RDH8: variants seen among roughly 807,000 people sequenced by gnomAD.
RDH8 encodes the protein photoreceptor outer segment all-trans retinol dehydrogenase.
RDH8 carries 14 observed loss-of-function variants against 22.3 expected under a neutral mutation model. That is an observed-to-expected ratio of 0.63 (90% CI 0.42 to 0.98). The LOEUF (loss-of-function observed/expected upper bound fraction) is 0.98. Ranked by LOEUF, RDH8 falls within the 50% of genes least tolerant of loss-of-function variation. The pLI is 0.00. For synonymous variants in RDH8, 175 were observed against 171.7 expected (o/e 1.02, Z -0.15); for missense variants, 389 against 409.8 (o/e 0.95, Z 0.44).
Position 10,016,639 on chromosome 19 carries a change from A to G in RDH8, c.104-418A>G, listed in dbSNP as rs372022091. Among the ~76,000 whole-genome samples, 4 of 150,912 alleles carry G rather than the reference A, an allele frequency of 2.7e-5. 1 individual carries two copies. Among genetic ancestry groups the G allele is most frequent in the East Asian group, 2.0e-4 (1 of 5,086 alleles). On this transcript the variant is annotated intron_variant, in intron 1 of 5. Transcript: ENST00000591589. Reference sequence around the variant, plus strand: ...CCCACCACACCTGGCAAATTTGTAAAATATAATTTTTTTGTAGAGATGGGA... The same window carrying G: ...CCCACCACACCTGGCAAATTTGTAAGATATAATTTTTTTGTAGAGATGGGA...
Position 10,017,063 on chromosome 19 carries a change from C to T in RDH8, c.110C>T (p.Ala37Val). 6.4e-7 allele frequency: 1 copy of T among 1,573,156 alleles called. No homozygotes were observed. Among genetic ancestry groups the T allele is most frequent in the Non-Finnish European group, 8.7e-7 (1 of 1,155,066 alleles). Residue 37 changes from alanine (A) to valine (V), a missense_variant, in exon 2 of 6, where the codon GCC becomes GTC. Coordinates refer to ENST00000591589, the MANE Select transcript of RDH8 (RefSeq NM_015725.4). ...TTTACTCTCTGCCCCGCAGTCGTGG[C>T]CACCATGAGGGACCTGGGGAAGAAG... ...HDPKKRYQVV[A>V]TMRDLGKKET...
At chr19:10,019,734 G>C (rs1259627841) in intron 3 of RDH8, among the ~76,000 whole-genome samples, 1 of 152,018 alleles carries the variant, frequency 6.6e-6, no homozygotes, top group Non-Finnish European at 1.5e-5. Context: ...CCAGGAGGCA[G>C]AGGTTGCAAT....
At chr19:10,018,615 AT>A in intron 2 of RDH8, 115 bp from the exon 3 acceptor site, 1 of 749,480 alleles carries the variant, frequency 1.3e-6, no homozygotes, top group South Asian at 2.2e-5. Context: ...TCCACCCAAG[AT>A]ACCCTGGACT....
chr19:10,018,985 G>A, intron 3 of RDH8, 75 bp downstream of exon 3: 1 of 1,265,836 alleles, frequency 7.9e-7, no homozygotes, highest in Admixed American at 2.2e-5. Context: ...TGGCGAATGG[G>A]TTTTAGATCA....
At position 10,020,694 on chromosome 19, in the gene RDH8, C is replaced by T. The variant is rs1174633816; in HGVS notation, c.443-15C>T. ...CCAGACCCTCAAAGAGCTCTCCTCC[C>T]TCTGACCCTCACAGGTGTCATCTTC... On this transcript the variant is annotated splice_polypyrimidine_tract_variant and intron_variant, in intron 3 of 5. Coordinates refer to ENST00000591589, the MANE Select transcript of RDH8 (RefSeq NM_015725.4). 1 of 1,587,822 alleles carries T rather than the reference C, an allele frequency of 6.3e-7. No individual in the cohort carries two copies.
Position 10,021,602 on chromosome 19 carries a change from G to C in RDH8, c.789G>C (p.Pro263=). The C allele has an allele frequency of 6.2e-7, 1 of 1,613,980 alleles. No individual in the cohort carries two copies. The highest frequency in any genetic ancestry group is 8.5e-7 in the Non-Finnish European group (1 of 1,179,952). ...GACAGACCAACATCCGCTACTCGCC[G>C]CTGACCACGCTCAAAACCGTGGATT... ...LRRQTNIRYS[P]LTTLKTVDSS... Residue 263 remains proline, a synonymous_variant, in exon 6 of 6, where the codon CCG becomes CCC. Coordinates refer to ENST00000591589, the MANE Select transcript of RDH8 (RefSeq NM_015725.4).
chr19:10,020,316 A>AAG (rs1178852829), intron 3 of RDH8, among the ~76,000 whole-genome samples: 23 of 131,608 alleles, frequency 1.7e-4, no homozygotes, highest in South Asian at 3.0e-4. Context: ...GAAAAAGAAA[A>AAG]AGAGAGAGAG....
At chr19:10,021,193 G>C in intron 4 of RDH8, 62 bp from the exon 5 acceptor site, 1 of 1,513,352 alleles carries the variant, frequency 6.6e-7, no homozygotes, top group Non-Finnish European at 9.0e-7. Context: ...AAAAAAAATG[G>C]ACAAAATAGG....
At chr19:10,015,121 T>C (rs2087600738) in intron 1 of RDH8, among the ~76,000 whole-genome samples, 1 of 152,128 alleles carries the variant, frequency 6.6e-6, no homozygotes, top group Admixed American at 6.6e-5. Flanking sequence ...CTGGTGCATG[T>C]GCAGACATAG....
Position 10,021,675 on chromosome 19 carries a change from TG to T in RDH8, c.863del (p.Cys288PhefsTer45). On this transcript the variant is annotated frameshift_variant, in exon 6 of 6. Coordinates refer to ENST00000591589, the MANE Select transcript of RDH8 (RefSeq NM_015725.4). LOFTEE classifies it high-confidence loss of function. The stretch of plus-strand genomic sequence containing the variant: ...AACGACCCACCGCCTCCTCTTCCGC[TG>T]TCCACGCCTCCTCAACCTTGGCCTT... ...VRTTHRLLFRCPRLLNLGLQC... is the reference protein window; with the variant it reads ...VRTTHRLLFRXPRLLNLGLQC... 1 of 1,614,148 alleles carries T rather than the reference TG, an allele frequency of 6.2e-7. No homozygotes were observed. The highest frequency in any genetic ancestry group is 8.5e-7 in the Non-Finnish European group (1 of 1,180,016).
At chr19:10,021,190 A>AAAAT (rs2087655611) in intron 4 of RDH8, 65 bp from the exon 5 acceptor site, 2 of 1,439,290 alleles carry the variant, frequency 1.4e-6, no homozygotes, top group African/African-American at 1.4e-5. Flanking sequence ...AAAAAAAAAA[A>AAAAT]TGGACAAAAT....
intron 3 of RDH8, among the ~76,000 whole-genome samples, chr19:10,020,246 G>C (rs532708933): frequency 1.3e-4 from 19 of 151,546 alleles, no homozygotes; most frequent in Non-Finnish European, 2.1e-4. Context: ...AGGCTGCAGT[G>C]AGCCATGATT....
intron 3 of RDH8, among the ~76,000 whole-genome samples, chr19:10,019,309 T>TAATAA (rs1599243410): frequency 1.3e-5 from 2 of 150,394 alleles, no homozygotes; most frequent in East Asian, 4.0e-4. Context: ...AAAAAAATAA[T>TAATAA]AATAAAATAA....
intron 3 of RDH8, 60 bp from the exon 4 acceptor site, chr19:10,020,649 G>A (rs2087651142): frequency 1.8e-6 from 2 of 1,086,016 alleles, no homozygotes; most frequent in South Asian, 1.3e-5. Context: ...CATCACCCTG[G>A]AACCCACAAA....
At chr19:10,017,359 G>C in intron 2 of RDH8, 144 bp downstream of exon 2, 1 of 793,096 alleles carries the variant, frequency 1.3e-6, no homozygotes, top group Non-Finnish European at 1.8e-6. Context: ...TTGGCCAAGA[G>C]GGGTAGACCA....
Position 10,017,190 on chromosome 19 carries a change from T to C in RDH8, c.237T>C (p.Cys79=), listed in dbSNP as rs2233793. The C allele has an allele frequency of 5.0e-3, 7,961 of 1,601,906 alleles. 367 individuals are homozygous for C. The African/African-American group carries it at 0.096, about 19-fold the overall frequency. Residue 79 remains cysteine, a synonymous_variant, in exon 2 of 6, where the codon TGT becomes TGC. Coordinates refer to ENST00000591589, the MANE Select transcript of RDH8 (RefSeq NM_015725.4). ...AGTCGGTGGCCCAGTGTCTCAGCTG[T>C]ATCCAGGGAGAAGTGGACGTGCTGG... The part of the protein sequence containing the change: ...SDESVAQCLS[C]IQGEVDVLVN...
intron 5 of RDH8, 24 bp downstream of exon 5, chr19:10,021,462 A>T: frequency 6.2e-7 from 1 of 1,613,960 alleles, no homozygotes; most frequent in Non-Finnish European, 8.5e-7. Context: ...CCAGAGCCCC[A>T]AGACGTGGCT....
intron 3 of RDH8, among the ~76,000 whole-genome samples, chr19:10,019,486 C>T (rs936324019): frequency 2.6e-5 from 4 of 151,650 alleles, no homozygotes; most frequent in Non-Finnish European, 5.9e-5. Flanking sequence ...ACAGGGAGTC[C>T]TCATCACTAC....
chr19:10,017,412 C>T (rs888569983), intron 2 of RDH8, among the ~76,000 whole-genome samples, 197 bp downstream of exon 2: 3 of 152,288 alleles, frequency 2.0e-5, no homozygotes, highest in South Asian at 2.1e-4. Context: ...GGTGCAGTGG[C>T]TCATACCTGT....
Sources: gnomAD v4.1 joint callset for allele counts (sites outside exome capture counted in the v4.1 genomes callset) on GRCh38, gnomAD v4.1.1 for gene constraint, MANE v1.5 for transcripts, NCBI Gene and HGNC (gene_info 2026-07-23, HGNC 2026-07-21) for gene names.